FAM20A: variants seen among roughly 807,000 people sequenced by gnomAD.
FAM20A encodes the protein FAM20A golgi associated secretory pathway pseudokinase, also known as pseudokinase FAM20A.
FAM20A carries 42 observed loss-of-function variants against 52.0 expected under a neutral mutation model. The ratio of observed to expected loss-of-function variants is 0.81; its 90% confidence interval spans 0.63 to 1.04. The LOEUF (loss-of-function observed/expected upper bound fraction) is 1.04, where lower values mean the gene tolerates loss of function less well. FAM20A is among the 50% of genes least tolerant of loss of function. The probability of loss-of-function intolerance (pLI) is 0.00; values close to 1 mark genes in which losing one functional copy is unlikely to be tolerated. For synonymous variants in FAM20A, 304 were observed against 298.9 expected (o/e 1.02, Z -0.18); for missense variants, 742 against 712.7 (o/e 1.04, Z -0.47).
rs543545797 is a variant in FAM20A, at chr17:68,561,041, A to AT, written c.405-5299dup. 1.1e-4 allele frequency among the ~76,000 whole-genome samples: 17 copies of AT among 152,192 alleles called. No homozygotes were observed. The South Asian group carries it at 3.3e-3, about 30-fold the overall frequency. Reference sequence around the variant, plus strand: ...TGAGTTTATACACTCAGAAAATTACATTTTTTCTCATATGATTTGCATTTT... The same window carrying AT: ...TGAGTTTATACACTCAGAAAATTACATTTTTTTCTCATATGATTTGCATTTT... On this transcript the variant is annotated intron_variant, in intron 1 of 10. Transcript: ENST00000592554.
intron 1 of FAM20A, among the ~76,000 whole-genome samples, chr17:68,596,064 A>G (rs2088443355): frequency 6.6e-6 from 1 of 152,242 alleles, no homozygotes; most frequent in Non-Finnish European, 1.5e-5. Flanking sequence ...ACTCCCTTTG[A>G]CCAACTGTCA....
intron 3 of FAM20A, among the ~76,000 whole-genome samples, chr17:68,553,404 GACAC>G (rs1384061767): frequency 3.3e-5 from 5 of 152,180 alleles, no homozygotes; most frequent in Admixed American, 1.3e-4. Flanking sequence ...AATACATTTT[GACAC>G]ACACCATCAG....
rs566864498 is a variant in FAM20A at position 68,579,001 on chromosome 17, G to A, written c.404+21262C>T. On this transcript the variant is annotated intron_variant, in intron 1 of 10. Coordinates refer to ENST00000592554, the MANE Select transcript of FAM20A (RefSeq NM_017565.4). ...CTGCACTCCAGCCTGGTGACAGAGCGAGACTCTGTTTCAAAAAAAAAAAAA... is the reference window on the plus strand; with the variant it reads ...CTGCACTCCAGCCTGGTGACAGAGCAAGACTCTGTTTCAAAAAAAAAAAAA... 2.1e-4 allele frequency among the ~76,000 whole-genome samples: 31 copies of A among 147,702 alleles called. No homozygotes were observed. The East Asian group carries it at 5.0e-3, about 24-fold the overall frequency.
chr17:68,581,417 T>TC lies in FAM20A; in HGVS notation c.404+18845_404+18846insG, dbSNP rs1368089967. 4.3e-3 allele frequency among the ~76,000 whole-genome samples: 440 copies of TC among 103,284 alleles called. 6 individuals are homozygous for TC. The highest frequency in any genetic ancestry group is 1.0e-2 in the African/African-American group (255 of 25,624). 67.8% of individuals were successfully genotyped at this position (103,284 alleles called of 152,430 possible). On this transcript the variant is annotated intron_variant, in intron 1 of 10. Coordinates refer to ENST00000592554, the MANE Select transcript of FAM20A (RefSeq NM_017565.4). ...TTCTTTCTTTCTTTCTTTCTTTCTT[T>TC]TTCTCTTTTCTTTCTTTCTTTTCTT...
chr17:68,541,923 C>A (rs2086314948), intron 7 of FAM20A, 62 bp downstream of exon 7: 2 of 1,546,130 alleles, frequency 1.3e-6, no homozygotes, highest in Admixed American at 3.8e-5. Context: ...GCAACAAGTC[C>A]CTGGTACAGG....
At chr17:68,539,591 C>G (rs1253206053) in intron 9 of FAM20A, among the ~76,000 whole-genome samples, 195 bp from the exon 10 acceptor site, 1 of 152,248 alleles carries the variant, frequency 6.6e-6, no homozygotes, top group East Asian at 1.9e-4. Flanking sequence ...GCTAAGCAAT[C>G]CTTCATTCAT....
intron 1 of FAM20A, among the ~76,000 whole-genome samples, chr17:68,562,035 G>C (rs1386942201): frequency 6.6e-6 from 1 of 152,162 alleles, no homozygotes; most frequent in African/African-American, 2.4e-5. Flanking sequence ...TGTTGGCCAG[G>C]ATGGTCTTGA....
At chr17:68,542,644 T>C in intron 6 of FAM20A, 50 bp downstream of exon 6, 4 of 1,420,668 alleles carry the variant, frequency 2.8e-6, no homozygotes, top group Non-Finnish European at 4.0e-6. Context: ...GTGGACACTC[T>C]GGCTTACGAT....
intron 1 of FAM20A, among the ~76,000 whole-genome samples, chr17:68,575,524 A>T (rs1435673069): frequency 3.3e-4 from 23 of 70,176 alleles, no homozygotes; most frequent in Admixed American, 8.5e-4. Context: ...TTTATATATT[A>T]TATAATATAT....
chr17:68,594,998 G>A (rs1460476973), intron 1 of FAM20A, among the ~76,000 whole-genome samples: 1 of 152,176 alleles, frequency 6.6e-6, no homozygotes, highest in Non-Finnish European at 1.5e-5. Flanking sequence ...TGTATGCCAG[G>A]GCTGGAAATC....
intron 1 of FAM20A, among the ~76,000 whole-genome samples, chr17:68,583,688 G>C (rs368395769): frequency 2.0e-5 from 3 of 151,712 alleles, no homozygotes; most frequent in Admixed American, 2.0e-4. Flanking sequence ...AGGCCAAGGC[G>C]GGCAGATCAT....
rs543541878 is a variant in FAM20A, at chr17:68,536,027, G to A, written c.*1450C>T. ...GAAACCTGTGTGTTGCTTCTGTAGC[G>A]TTGGTGAGTGCCTCACCTGGTCAGA... On this transcript the variant is annotated 3_prime_UTR_variant, in exon 11 of 11. Coordinates refer to ENST00000592554, the MANE Select transcript of FAM20A (RefSeq NM_017565.4). 2.9e-5 allele frequency: 13 copies of A among 454,128 alleles called. No homozygotes were observed. Among genetic ancestry groups the A allele is most frequent in the East Asian group, 2.8e-4 (4 of 14,392 alleles). 28.1% of individuals were successfully genotyped at this position (454,128 alleles called of 1,614,324 possible).
rs770793067 is a variant in FAM20A, at chr17:68,551,896, C to G, written c.696G>C (p.Gly232=). ...ACCTCATGGGTTTGAACATGGCCTT[C>G]CCGAAATCCGAGAACCTCAGCACCA... ...LKLVLRFSDF[G]KAMFKPMRQQ... Residue 232 remains glycine, a synonymous_variant, in exon 4 of 11, where the codon GGG becomes GGC. Coordinates refer to ENST00000592554, the MANE Select transcript of FAM20A (RefSeq NM_017565.4). 1.3e-6 allele frequency: 2 copies of G among 1,587,938 alleles called. No individual in the cohort carries two copies. The highest frequency in any genetic ancestry group is 1.7e-5 in the Admixed American group (1 of 57,652).
chr17:68,573,473 T>C (rs868221497), intron 1 of FAM20A, among the ~76,000 whole-genome samples: 49 of 135,042 alleles, frequency 3.6e-4, no homozygotes, highest in African/African-American at 1.2e-3. Context: ...CTTTCTTTCT[T>C]TCTCTTTCTT....
intron 1 of FAM20A, among the ~76,000 whole-genome samples, chr17:68,581,350 T>TTTTTTCTTTC (rs1347976030): frequency 2.2e-5 from 2 of 92,218 alleles, no homozygotes; most frequent in African/African-American, 9.5e-5. Context: ...GAAATGCAGT[T>TTTTTTCTTTC]TTTCTTTCTT....
intron 1 of FAM20A, among the ~76,000 whole-genome samples, chr17:68,576,468 C>T (rs2087771604): frequency 1.3e-5 from 2 of 152,190 alleles, no homozygotes; most frequent in African/African-American, 4.8e-5. Flanking sequence ...GTGCTGACTG[C>T]ATCATGGTCC....
In FAM20A at chr17:68,575,832, A is replaced by AC. The variant is rs1568768061; in HGVS notation, c.405-20090_405-20089insG. Among the ~76,000 whole-genome samples, 76 of 139,890 alleles carry AC rather than the reference A, an allele frequency of 5.4e-4. 2 individuals carry two copies. In the South Asian group the frequency reaches 0.011, roughly 21 times the overall value. 91.8% of individuals were successfully genotyped at this position (139,890 alleles called of 152,430 possible). On this transcript the variant is annotated intron_variant, in intron 1 of 10. Coordinates refer to ENST00000592554, the MANE Select transcript of FAM20A (RefSeq NM_017565.4). ...CACACACACACACACACACACACAC[A>AC]TAATCAGCCATTGGCAGTTACAGCT...
In FAM20A at chr17:68,539,239, G is replaced by C. The variant is rs999164449; in HGVS notation, c.1361+98C>G. On this transcript the variant is annotated intron_variant, in intron 10 of 10. Coordinates refer to ENST00000592554, the MANE Select transcript of FAM20A (RefSeq NM_017565.4). ...TGTCATTCTACCCACTTACGTCCTG[G>C]ACCAGTGAAAACTGGAAGCCCTTCA... The C allele has an allele frequency of 9.6e-6, 11 of 1,151,746 alleles. No homozygotes were observed. In the Admixed American group the frequency reaches 1.1e-4, roughly 11 times the overall value. The allele number at this position is 1,151,746 out of a possible 1,614,324, so 71.3% of individuals were successfully genotyped here. A position where few individuals can be genotyped will look rare whatever the true frequency, so the allele number is the denominator to read the frequency against.
chr17:68,561,824 T>A (rs1322351515), intron 1 of FAM20A, among the ~76,000 whole-genome samples: 7 of 152,148 alleles, frequency 4.6e-5, no homozygotes, highest in Non-Finnish European at 1.0e-4. Context: ...TTTTTCTTTC[T>A]TTCTGTTTTA....
Sources: gnomAD v4.1 joint callset for allele counts (sites outside exome capture counted in the v4.1 genomes callset) on GRCh38, gnomAD v4.1.1 for gene constraint, MANE v1.5 for transcripts, NCBI Gene and HGNC (gene_info 2026-07-23, HGNC 2026-07-21) for gene names.